The following DEPTOR variants were observed in gnomAD, a reference collection of about 807,000 sequenced individuals.
DEPTOR encodes DEP domain-containing mTOR-interacting protein.
Under a neutral mutation model 41.6 loss-of-function variants are expected in DEPTOR, and 41 were observed. That is an observed-to-expected ratio of 0.98 (90% CI 0.77 to 1.28). The LOEUF (loss-of-function observed/expected upper bound fraction) is 1.28. Among genes scored for constraint, DEPTOR ranks in the 50% most tolerant of loss-of-function variants. The probability of loss-of-function intolerance (pLI) is 0.00; values close to 1 mark genes in which losing one functional copy is unlikely to be tolerated. For missense variants in DEPTOR, 514 were observed against 527.9 expected (o/e 0.97, Z 0.26); for synonymous variants, 195 against 192.3 (o/e 1.01, Z -0.12).
chr8:119,917,927 G>C (rs529865964), intron 1 of DEPTOR, among the ~76,000 whole-genome samples: 1 of 152,358 alleles, frequency 6.6e-6, no homozygotes, highest in African/African-American at 2.4e-5. Flanking sequence ...AAGGCATTGA[G>C]ATGTTTATGT....
intron 1 of DEPTOR, among the ~76,000 whole-genome samples, chr8:119,885,536 T>C (rs556741957): frequency 6.6e-6 from 1 of 152,310 alleles, no homozygotes; most frequent in East Asian, 1.9e-4. Context: ...TGTTATACAG[T>C]GAGCATAGCC....
intron 1 of DEPTOR, among the ~76,000 whole-genome samples, chr8:119,883,268 A>C (rs1334577775): frequency 6.6e-6 from 1 of 151,704 alleles, no homozygotes; most frequent in Non-Finnish European, 1.5e-5. Flanking sequence ...AGGTCAGGAG[A>C]TCAAGACCAT....
chr8:119,990,090 T>G (rs1254821866), intron 4 of DEPTOR, among the ~76,000 whole-genome samples: 1 of 152,236 alleles, frequency 6.6e-6, no homozygotes, highest in Non-Finnish European at 1.5e-5. Flanking sequence ...CCCCTTGTTC[T>G]GCATGTTATC....
chr8:119,915,520 T>C (rs906599456), intron 1 of DEPTOR, among the ~76,000 whole-genome samples: 7 of 152,160 alleles, frequency 4.6e-5, no homozygotes, highest in African/African-American at 1.7e-4. Context: ...GTTAAAGCAC[T>C]AGATTAGCAA....
intron 7 of DEPTOR, among the ~76,000 whole-genome samples, chr8:120,007,672 T>A (rs1197892690): frequency 6.6e-6 from 1 of 152,232 alleles, no homozygotes; most frequent in Non-Finnish European, 1.5e-5. Flanking sequence ...GGGAGAATTC[T>A]ATCCACACTC....
chr8:119,916,291 T>G (rs936197649), intron 1 of DEPTOR, among the ~76,000 whole-genome samples: 9 of 149,710 alleles, frequency 6.0e-5, no homozygotes, highest in African/African-American at 1.7e-4. Context: ...TTTTTTTTTT[T>G]TTTTTTTTTT....
At chr8:119,938,893 T>C (rs143647425) in intron 3 of DEPTOR, among the ~76,000 whole-genome samples, 9 of 131,056 alleles carry the variant, frequency 6.9e-5, no homozygotes, top group Non-Finnish European at 8.4e-5. Flanking sequence ...CTCTCTCTCT[T>C]TCTCTTTCTC....
At chr8:119,983,755 T>G (rs1310490869) in intron 4 of DEPTOR, among the ~76,000 whole-genome samples, 6 of 126,762 alleles carry the variant, frequency 4.7e-5, no homozygotes, top group East Asian at 2.6e-4. Context: ...AGTAGGTGGG[T>G]TTTTTTTTCC....
At chr8:119,914,685 C>G (rs1011270959) in intron 1 of DEPTOR, among the ~76,000 whole-genome samples, 10 of 152,196 alleles carry the variant, frequency 6.6e-5, no homozygotes, top group African/African-American at 2.4e-4. Context: ...GGTGATCCGC[C>G]TGCCTGGGCT....
At chr8:119,906,653 T>C (rs544019593) in intron 1 of DEPTOR, among the ~76,000 whole-genome samples, 15 of 152,092 alleles carry the variant, frequency 9.9e-5, no homozygotes, top group South Asian at 8.3e-4. Context: ...CCAATAAATA[T>C]GGATTGTTGG....
intron 3 of DEPTOR, among the ~76,000 whole-genome samples, chr8:119,961,749 T>C (rs1828495894): frequency 6.6e-6 from 1 of 152,148 alleles, no homozygotes; most frequent in African/African-American, 2.4e-5. Context: ...ACTACAATGA[T>C]CTCCAAGGTT....
intron 2 of DEPTOR, 113 bp from the exon 3 acceptor site, chr8:119,929,702 G>A: frequency 7.2e-7 from 1 of 1,381,058 alleles, no homozygotes; most frequent in Non-Finnish European, 9.8e-7. Flanking sequence ...ATATTTGCAT[G>A]CATGAAGAAT....
chr8:119,963,270 A>G (rs892213452), intron 3 of DEPTOR, among the ~76,000 whole-genome samples: 1 of 152,122 alleles, frequency 6.6e-6, no homozygotes, highest in Non-Finnish European at 1.5e-5. Context: ...GTAGGAGCAG[A>G]GGGCAGGTCG....
intron 8 of DEPTOR, among the ~76,000 whole-genome samples, chr8:120,035,235 G>A (rs765201583): frequency 2.6e-5 from 4 of 151,966 alleles, no homozygotes; most frequent in African/African-American, 9.7e-5. Context: ...TGGGAGGATC[G>A]CTTGAACTTG....
chr8:119,987,521 T>G (rs1457024334), intron 4 of DEPTOR, among the ~76,000 whole-genome samples: 3 of 152,192 alleles, frequency 2.0e-5, no homozygotes, highest in South Asian at 4.1e-4. Flanking sequence ...GGGACCCACT[T>G]GAGGAGGCAG....
At chr8:120,028,065 T>C (rs557136773) in intron 8 of DEPTOR, among the ~76,000 whole-genome samples, 2 of 152,200 alleles carry the variant, frequency 1.3e-5, no homozygotes, top group Non-Finnish European at 2.9e-5. Flanking sequence ...AAGGGCTGCA[T>C]TGATTTTCAT....
At chr8:120,005,758 G>A (rs1199149156) in intron 6 of DEPTOR, among the ~76,000 whole-genome samples, 1 of 152,168 alleles carries the variant, frequency 6.6e-6, no homozygotes, top group African/African-American at 2.4e-5. Context: ...TGGATGGGGG[G>A]GTTCATTATC....
At chr8:119,900,448 A>G (rs1280641839) in intron 1 of DEPTOR, among the ~76,000 whole-genome samples, 1 of 113,388 alleles carries the variant, frequency 8.8e-6, no homozygotes, top group Non-Finnish European at 1.6e-5. Flanking sequence ...GTGCAGTGGC[A>G]TGATCATAGC....
chr8:119,877,358 T>A (rs1343342990), intron 1 of DEPTOR, among the ~76,000 whole-genome samples: 1 of 152,230 alleles, frequency 6.6e-6, no homozygotes, highest in Non-Finnish European at 1.5e-5. Context: ...CAGAGCAGTA[T>A]AATAGTCAGA....
Sources: allele counts gnomAD v4.1 joint callset (sites outside exome capture counted in the v4.1 genomes callset), GRCh38; gene constraint gnomAD v4.1.1; transcripts MANE v1.5; gene names NCBI Gene and HGNC (gene_info 2026-07-23, HGNC 2026-07-21).